UTP18: variants seen among roughly 807,000 people sequenced by gnomAD.
The protein encoded by UTP18 is UTP18 small subunit processome component, also known as U3 small nucleolar RNA-associated protein 18 homolog.
A neutral mutation model predicts 61.1 loss-of-function variants in UTP18; 36 were observed. That is an observed-to-expected ratio of 0.59 (90% confidence interval 0.45 to 0.78). UTP18 has a LOEUF of 0.78. Among genes scored for constraint, UTP18 ranks in the 30% least tolerant of loss-of-function variants. The pLI is 0.00. For synonymous variants in UTP18, 282 were observed against 251.1 expected, an observed-to-expected ratio of 1.12 and a Z score of -1.16; for missense variants, 753 against 693.9, an observed-to-expected ratio of 1.09 and a Z score of -0.96.
At chr17:51,279,702 A>T (rs181976894) in intron 7 of UTP18, among the ~76,000 whole-genome samples, 2 of 152,306 alleles carry the variant, frequency 1.3e-5, no homozygotes, top group East Asian at 3.9e-4. Flanking sequence ...GTATTACTGC[A>T]TATATTTGGA....
chr17:51,286,425 G>A, intron 10 of UTP18: 1 of 454,838 alleles, frequency 2.2e-6, no homozygotes, highest in Non-Finnish European at 4.4e-6. Context: ...AAGTCAAGGG[G>A]TCTTGTTGTC....
rs186232605 is a variant in UTP18 at position 51,293,468 on chromosome 17, C to T, written c.1504-435C>T. On this transcript the variant is annotated intron_variant, in intron 11 of 13. Coordinates refer to ENST00000225298, the MANE Select transcript of UTP18 (RefSeq NM_016001.3). The stretch of plus-strand genomic sequence containing the variant: ...AGGACGGTTTGATTGTGGCCCAACA[C>T]TAATTTGTAAACTTTCTTAAAACAT... 1.9e-3 allele frequency among the ~76,000 whole-genome samples: 292 copies of T among 150,690 alleles called. 1 individual carries two copies. The highest frequency in any genetic ancestry group is 6.8e-3 in the Middle Eastern group (2 of 292).
rs903089989 is a variant in UTP18 at position 51,280,403 on chromosome 17, T to G, written c.1128T>G (p.Ile376Met). 2 of 1,614,154 alleles carry G rather than the reference T, an allele frequency of 1.2e-6. No homozygotes were observed. Among genetic ancestry groups the G allele is most frequent in the East Asian group, 2.2e-5 (1 of 44,886 alleles). Residue 376 changes from isoleucine (I) to methionine (M), a missense_variant, in exon 9 of 14, where the codon ATT (isoleucine) becomes ATG (methionine). By Grantham distance (10) the Ile-to-Met change is conservative. Transcript: ENST00000225298. The stretch of plus-strand genomic sequence containing the variant: ...TATTGTTTTAGACCAAAGAACTGAT[T>G]GGAAGCATGAAAATTAATGGAAGGG... ...HLLAMKTKEL[I>M]GSMKINGRVA...
At chr17:51,297,559 T>G (rs1334875690) in intron 13 of UTP18, among the ~76,000 whole-genome samples, 1 of 151,838 alleles carries the variant, frequency 6.6e-6, no homozygotes, top group East Asian at 1.9e-4. Flanking sequence ...AGTTGACTGT[T>G]TGGTCTCCTC....
At chr17:51,290,276 C>T (rs1030022462) in intron 11 of UTP18, among the ~76,000 whole-genome samples, 4 of 151,986 alleles carry the variant, frequency 2.6e-5, no homozygotes, top group African/African-American at 9.7e-5. Flanking sequence ...ATTAGCTGGG[C>T]ATTGTGGTGG....
intron 11 of UTP18, 30 bp from the exon 12 acceptor site, chr17:51,293,873 C>G: frequency 6.7e-7 from 1 of 1,486,610 alleles, no homozygotes; most frequent in Non-Finnish European, 8.9e-7. Flanking sequence ...CCAGTTGTTA[C>G]ACTTTAAAGT....
chr17:51,288,328 T>TA, intron 11 of UTP18, 125 bp downstream of exon 11: 1 of 992,394 alleles, frequency 1.0e-6, no homozygotes. Context: ...ATATAGGAAT[T>TA]ATTAGTATTG....
rs1164382093 is a variant in UTP18, at chr17:51,280,487, A to G, written c.1204+8A>G. The G allele has an allele frequency of 5.6e-6, 9 of 1,613,258 alleles. No homozygotes were observed. Among genetic ancestry groups the G allele is most frequent in the East Asian group, 2.2e-5 (1 of 44,866 alleles). On this transcript the variant is annotated splice_region_variant and intron_variant, in intron 9 of 13. Transcript: ENST00000225298. The stretch of plus-strand genomic sequence containing the variant: ...AAGTATACGCCTCTTCGGGTAAGAC[A>G]ACGACATGAAAGAAGCTAAGGATAT...
At chr17:51,279,910 G>C in intron 7 of UTP18, 95 bp from the exon 8 acceptor site, 5 of 1,014,242 alleles carry the variant, frequency 4.9e-6, no homozygotes, top group Non-Finnish European at 7.2e-6. Context: ...AGCCACTTAC[G>C]TATTTTAAAA....
intron 1 of UTP18, among the ~76,000 whole-genome samples, chr17:51,261,822 A>G (rs1191396123): frequency 4.6e-5 from 7 of 152,042 alleles, no homozygotes; most frequent in Admixed American, 1.3e-4. Context: ...GACCTAGTTA[A>G]TGTCAGCTGC....
chr17:51,266,582 A>G (rs943042161), intron 3 of UTP18, among the ~76,000 whole-genome samples: 2 of 152,146 alleles, frequency 1.3e-5, no homozygotes, highest in Admixed American at 6.5e-5. Flanking sequence ...TTAAATGGCC[A>G]CCACCTGGGT....
intron 4 of UTP18, among the ~76,000 whole-genome samples, chr17:51,271,136 T>A (rs1904516372): frequency 6.6e-6 from 1 of 152,212 alleles, no homozygotes; most frequent in Non-Finnish European, 1.5e-5. Flanking sequence ...CCCCTCTCCC[T>A]ATCATTTTAG....
chr17:51,290,475 A>G (rs1905213435), intron 11 of UTP18, among the ~76,000 whole-genome samples: 2 of 152,214 alleles, frequency 1.3e-5, no homozygotes. Flanking sequence ...AAATTACAGC[A>G]TAGCATTTTA....
chr17:51,291,113 G>T (rs972382123), intron 11 of UTP18, among the ~76,000 whole-genome samples: 2 of 152,246 alleles, frequency 1.3e-5, no homozygotes, highest in African/African-American at 4.8e-5. Context: ...GTATTAGAAA[G>T]CTGGCTGCGG....
At chr17:51,279,491 T>A (rs907649959) in intron 7 of UTP18, among the ~76,000 whole-genome samples, 2 of 148,074 alleles carry the variant, frequency 1.4e-5, no homozygotes, top group Non-Finnish European at 3.0e-5. Context: ...AGTTTTGGGG[T>A]TTTTTTTGTT....
chr17:51,283,542 A>C (rs4793692), intron 9 of UTP18, among the ~76,000 whole-genome samples: 58,987 of 151,596 alleles, frequency 0.39, 13,014 homozygotes, highest in East Asian at 0.6. Flanking sequence ...ACATGTAAAG[A>C]ATAATTTGAG....
At position 51,280,438 on chromosome 17, in the gene UTP18, C is replaced by T; in HGVS notation, c.1163C>T (p.Ser388Phe). Residue 388 changes from serine to phenylalanine, a missense_variant, in exon 9 of 14, where the codon TCC becomes TTC. Physicochemically the swap from Ser to Phe is radical, Grantham distance 155 (BLOSUM62 -2). Transcript: ENST00000225298. ...SMKINGRVAA[S>F]TFSSDSKKVY... ...AAAATTAATGGAAGGGTTGCAGCAT[C>T]CACATTCTCTTCAGATAGTAAGAAA... The T allele has an allele frequency of 6.2e-7, 1 of 1,614,158 alleles. No homozygotes were observed.
At chr17:51,268,944 C>T in intron 4 of UTP18, 40 bp downstream of exon 4, 1 of 1,572,376 alleles carries the variant, frequency 6.4e-7, no homozygotes, top group Non-Finnish European at 8.7e-7. Flanking sequence ...TACATAAGTC[C>T]CTGTTCCTGT....
intron 13 of UTP18, among the ~76,000 whole-genome samples, chr17:51,297,457 AC>A (rs1264345412): frequency 6.6e-6 from 1 of 152,124 alleles, no homozygotes; most frequent in Non-Finnish European, 1.5e-5. Context: ...AATATTTAAA[AC>A]CATAGAACAT....
Sources: gnomAD v4.1 joint callset for allele counts (sites outside exome capture counted in the v4.1 genomes callset) on GRCh38, gnomAD v4.1.1 for gene constraint, MANE v1.5 for transcripts, NCBI Gene and HGNC (gene_info 2026-07-23, HGNC 2026-07-21) for gene names.